Variants in PDGFD observed in about 807,000 individuals in gnomAD.
PDGFD encodes the protein platelet-derived growth factor D.
A neutral mutation model predicts 44.7 loss-of-function variants in PDGFD; 30 were observed. The observed-to-expected ratio is 0.67, with a 90% CI of 0.50 to 0.91. The LOEUF is 0.91. Ranked by LOEUF, PDGFD falls within the 40% of genes least tolerant of loss-of-function variation. The pLI is 0.00. For synonymous variants in PDGFD, 173 were observed against 168.4 expected, an observed-to-expected ratio of 1.03 and a Z score of -0.21; for missense variants, 445 against 457.8, an observed-to-expected ratio of 0.97 and a Z score of 0.25.
intron 3 of PDGFD, among the ~76,000 whole-genome samples, chr11:103,958,252 T>C (rs1858887310): frequency 6.6e-6 from 1 of 152,172 alleles, no homozygotes. Context: ...CCTGAAACCG[T>C]GGCTGAGTCT....
intron 3 of PDGFD, among the ~76,000 whole-genome samples, chr11:103,966,234 C>T (rs1484365843): frequency 6.6e-6 from 1 of 152,166 alleles, no homozygotes; most frequent in East Asian, 1.9e-4. Flanking sequence ...CACAAGAATA[C>T]TGCATTTAAT....
chr11:103,938,655 C>T (rs1288453872), intron 5 of PDGFD, among the ~76,000 whole-genome samples: 6 of 152,150 alleles, frequency 3.9e-5, no homozygotes, highest in Admixed American at 6.6e-5. Context: ...ATGGTATTGC[C>T]TGGGTTTTCT....
intron 1 of PDGFD, among the ~76,000 whole-genome samples, chr11:104,109,606 T>G (rs1861522609): frequency 6.6e-6 from 1 of 152,156 alleles, no homozygotes; most frequent in Non-Finnish European, 1.5e-5. Flanking sequence ...GAATATTTGT[T>G]GCAATTTGTA....
intron 1 of PDGFD, among the ~76,000 whole-genome samples, chr11:104,109,833 G>C (rs1441674760): frequency 1.3e-5 from 2 of 152,060 alleles, no homozygotes; most frequent in Non-Finnish European, 2.9e-5. Flanking sequence ...CAATATAGCA[G>C]AGTGCAGAGG....
chr11:104,097,871 T>C (rs1338939328), intron 1 of PDGFD, among the ~76,000 whole-genome samples: 1 of 152,170 alleles, frequency 6.6e-6, no homozygotes, highest in Non-Finnish European at 1.5e-5. Flanking sequence ...CTGCTTCCCT[T>C]AAGCACAAAT....
chr11:104,091,671 T>C (rs1861214606), intron 1 of PDGFD, among the ~76,000 whole-genome samples: 1 of 152,178 alleles, frequency 6.6e-6, no homozygotes, highest in East Asian at 1.9e-4. Context: ...TCCTTAGGAA[T>C]TAGGTTTTAT....
At chr11:104,142,682 C>T (rs74863023) in intron 1 of PDGFD, among the ~76,000 whole-genome samples, 5,454 of 152,112 alleles carry the variant, frequency 0.036, 188 homozygotes, top group African/African-American at 0.086. Context: ...ATAGAAAAAC[C>T]GAAGGCCCTA....
rs145090719 is a variant in PDGFD, at chr11:104,142,896, T to C, written c.124+20908A>G. ...GTTTCAAAGCCGCCTGCATTCAGGG[T>C]GTCTGAGTGAGGCGAGTAAATCATT... On this transcript the variant is annotated intron_variant, in intron 1 of 6. Coordinates refer to ENST00000393158, the MANE Select transcript of PDGFD (RefSeq NM_025208.5). Among the ~76,000 whole-genome samples the C allele has an allele frequency of 3.4e-3, 515 of 152,228 alleles. 7 individuals carry two copies. The highest frequency in any genetic ancestry group is 0.012 in the African/African-American group (489 of 41,518).
intron 1 of PDGFD, among the ~76,000 whole-genome samples, chr11:104,103,178 T>C (rs1861419913): frequency 6.6e-6 from 1 of 152,120 alleles, no homozygotes; most frequent in South Asian, 2.1e-4. Context: ...ATATTCATAA[T>C]TTCCACCTCA....
At chr11:103,995,050 T>A (rs1344768811) in intron 3 of PDGFD, among the ~76,000 whole-genome samples, 2 of 152,080 alleles carry the variant, frequency 1.3e-5, no homozygotes, top group Non-Finnish European at 1.5e-5. Flanking sequence ...AGCAAATTTT[T>A]AAATTTTTTT....
At chr11:104,063,776 A>G (rs1860747992) in intron 1 of PDGFD, among the ~76,000 whole-genome samples, 2 of 152,174 alleles carry the variant, frequency 1.3e-5, no homozygotes, top group Non-Finnish European at 2.9e-5. Flanking sequence ...ACTCACTATC[A>G]TGAGAACAGT....
intron 5 of PDGFD, among the ~76,000 whole-genome samples, chr11:103,935,467 A>G (rs1858474742): frequency 6.6e-6 from 1 of 152,200 alleles, no homozygotes; most frequent in Non-Finnish European, 1.5e-5. Flanking sequence ...AAAGTCTCTA[A>G]AAGAAAAGCT....
chr11:104,111,727 T>C (rs139994081), intron 1 of PDGFD, among the ~76,000 whole-genome samples: 4 of 152,288 alleles, frequency 2.6e-5, no homozygotes, highest in African/African-American at 7.2e-5. Context: ...TTCCATACTT[T>C]AGATAAATTA....
chr11:104,119,424 TATATAATATATTG>T (rs1292914297), intron 1 of PDGFD, among the ~76,000 whole-genome samples: 4 of 71,980 alleles, frequency 5.6e-5, no homozygotes, highest in Non-Finnish European at 7.0e-5. Context: ...ATTGATATAA[TATATAATATATTG>T]ATATAATATA....
chr11:103,998,469 G>A (rs1859570774), intron 2 of PDGFD, among the ~76,000 whole-genome samples: 1 of 152,054 alleles, frequency 6.6e-6, no homozygotes, highest in Admixed American at 6.6e-5. Context: ...CTAGGCTGGT[G>A]AATACATCCA....
chr11:104,006,705 T>C (rs1859708037), intron 1 of PDGFD, among the ~76,000 whole-genome samples: 1 of 152,044 alleles, frequency 6.6e-6, no homozygotes, highest in South Asian at 2.1e-4. Context: ...AGAAGGAGCA[T>C]CTGAATATCA....
intron 5 of PDGFD, among the ~76,000 whole-genome samples, chr11:103,930,716 CA>C (rs1314456800): frequency 6.6e-6 from 1 of 152,116 alleles, no homozygotes; most frequent in African/African-American, 2.4e-5. Flanking sequence ...GTCTTCCCAC[CA>C]GAGGACCACT....
At chr11:104,119,212 T>C (rs1358419189) in intron 1 of PDGFD, among the ~76,000 whole-genome samples, 86 of 9,570 alleles carry the variant, frequency 9.0e-3, no homozygotes, top group South Asian at 0.034. Context: ...AATATATTAA[T>C]ATAATATATT....
At chr11:103,970,630 A>T (rs1159117028) in intron 3 of PDGFD, among the ~76,000 whole-genome samples, 1 of 152,152 alleles carries the variant, frequency 6.6e-6, no homozygotes, top group African/African-American at 2.4e-5. Flanking sequence ...GATTATAAAA[A>T]CTAAATATAT....
Sources: allele counts gnomAD v4.1 joint callset (sites outside exome capture counted in the v4.1 genomes callset), GRCh38; gene constraint gnomAD v4.1.1; transcripts MANE v1.5; gene names NCBI Gene and HGNC (gene_info 2026-07-23, HGNC 2026-07-21).